Variants in TBXAS1 observed in about 807,000 individuals in gnomAD.
TBXAS1 encodes thromboxane A synthase 1.
Under a neutral mutation model 60.7 loss-of-function variants are expected in TBXAS1, and 48 were observed. The observed-to-expected ratio is 0.79, with a 90% CI of 0.63 to 1.01. TBXAS1 has a LOEUF of 1.01. Ranked by LOEUF, TBXAS1 falls within the 50% of genes least tolerant of loss-of-function variation. The probability of loss-of-function intolerance (pLI) is 0.00; values close to 1 mark genes in which losing one functional copy is unlikely to be tolerated. For missense variants in TBXAS1, 685 were observed against 686.3 expected (o/e 1.00, Z 0.02); for synonymous variants, 287 against 269.7 (o/e 1.06, Z -0.63).
chr7:139,807,403 TA>T (rs1797905140), intron 4 of TBXAS1, among the ~76,000 whole-genome samples: 1 of 150,636 alleles, frequency 6.6e-6, no homozygotes, highest in East Asian at 2.0e-4. Flanking sequence ...TTTTTTTTTT[TA>T]GATGGAGTCT....
chr7:139,791,007 T>G (rs561791940), intron 4 of TBXAS1, among the ~76,000 whole-genome samples: 2 of 152,354 alleles, frequency 1.3e-5, no homozygotes, highest in East Asian at 3.9e-4. Context: ...TTTCACCATG[T>G]TGTCCATGCT....
chr7:139,995,109 A>G (rs950190965), intron 9 of TBXAS1, among the ~76,000 whole-genome samples: 3 of 152,142 alleles, frequency 2.0e-5, no homozygotes, highest in African/African-American at 4.8e-5. Context: ...GGGCTTTACA[A>G]ACACATCTCG....
At chr7:139,952,556 C>T (rs148763147) in intron 5 of TBXAS1, 1 of 1,536,700 alleles carries the variant, frequency 6.5e-7, no homozygotes, top group South Asian at 1.2e-5. Flanking sequence ...TTCAGCTTGG[C>T]CTTTTAATCA....
At chr7:139,919,574 A>T (rs532474250) in intron 4 of TBXAS1, among the ~76,000 whole-genome samples, 2 of 152,334 alleles carry the variant, frequency 1.3e-5, no homozygotes, top group South Asian at 4.1e-4. Flanking sequence ...CTATAGCTTC[A>T]TATTCTATCA....
chr7:139,804,842 C>T (rs1356314561), intron 4 of TBXAS1, among the ~76,000 whole-genome samples: 1 of 152,194 alleles, frequency 6.6e-6, no homozygotes, highest in Non-Finnish European at 1.5e-5. Flanking sequence ...CATTAAACCT[C>T]TTTTTCTTTA....
At chr7:139,884,431 T>A (rs958127853) in intron 3 of TBXAS1, among the ~76,000 whole-genome samples, 12 of 152,206 alleles carry the variant, frequency 7.9e-5, no homozygotes, top group Non-Finnish European at 1.5e-5. Flanking sequence ...CCCAGGTAGG[T>A]GTGGCCAGCT....
intron 4 of TBXAS1, among the ~76,000 whole-genome samples, chr7:139,787,875 A>T (rs1459150716): frequency 6.6e-6 from 1 of 152,236 alleles, no homozygotes; most frequent in Non-Finnish European, 1.5e-5. Flanking sequence ...AAAAACACAT[A>T]AGACTACAAA....
rs1183650113 is a variant in TBXAS1, at chr7:139,807,311, ATCCTCCAGCCTCAGCC to A, written c.-80+19906_-80+19921del. The stretch of plus-strand genomic sequence containing the variant: ...ATCCTTGAATTCCTGGGCTCAAGTG[ATCCTCCAGCCTCAGCC>A]TCCTCCAGCCTCAGCCTCCTGAGCA... On this transcript the variant is annotated intron_variant, in intron 4 of 16. Coordinates refer to the TBXAS1 transcript ENST00000336425. 4.0e-5 allele frequency among the ~76,000 whole-genome samples: 6 copies of A among 151,718 alleles called. No homozygotes were observed. The South Asian group carries it at 6.2e-4, about 16-fold the overall frequency.
intron 1 of TBXAS1, among the ~76,000 whole-genome samples, chr7:139,871,640 C>T (rs528306374): frequency 2.0e-5 from 3 of 152,168 alleles, no homozygotes; most frequent in South Asian, 2.1e-4. Context: ...CATATGGTTG[C>T]GGGCCGAGAA....
chr7:139,928,082 G>C (rs1807032834), intron 4 of TBXAS1, among the ~76,000 whole-genome samples: 1 of 152,142 alleles, frequency 6.6e-6, no homozygotes, highest in African/African-American at 2.4e-5. Context: ...GCCTCAGAAA[G>C]TGTTAACTAT....
intron 11 of TBXAS1, 131 bp from the exon 12 acceptor site, chr7:140,017,540 G>A: frequency 8.2e-7 from 1 of 1,224,728 alleles, no homozygotes; most frequent in Non-Finnish European, 1.1e-6. Flanking sequence ...GCTCAGGAAT[G>A]AGCAGCCATC....
At chr7:139,800,170 G>T (rs6954829) in intron 4 of TBXAS1, among the ~76,000 whole-genome samples, 104,419 of 151,546 alleles carry the variant, frequency 0.69, 37,643 homozygotes, top group East Asian at 0.95. Flanking sequence ...CTCTGGCCCC[G>T]TCAATCCATT....
intron 5 of TBXAS1, among the ~76,000 whole-genome samples, chr7:139,939,024 G>C (rs1325623791): frequency 1.3e-5 from 2 of 152,216 alleles, no homozygotes; most frequent in Non-Finnish European, 2.9e-5. Context: ...CATAGTGCCT[G>C]AATTAATTGC....
rs192400932 is a variant in TBXAS1 at position 139,816,866 on chromosome 7, T to C, written c.-79-12446T>C. Among the ~76,000 whole-genome samples, 81 of 152,284 alleles carry C rather than the reference T, an allele frequency of 5.3e-4. No homozygotes were observed. In the East Asian group the frequency reaches 0.011, roughly 20 times the overall value. ...CATCCAGGCTTGGAACCCTGGAGGC[T>C]TCCTCGTAGGGCTGCGTAGAGCAGG... On this transcript the variant is annotated intron_variant, in intron 4 of 16. Coordinates refer to the TBXAS1 transcript ENST00000336425.
chr7:139,946,192 G>T (rs1178047353), intron 5 of TBXAS1, among the ~76,000 whole-genome samples: 2 of 152,176 alleles, frequency 1.3e-5, no homozygotes, highest in Non-Finnish European at 2.9e-5. Flanking sequence ...AAATTAGCCA[G>T]CTGTGGTTGT....
At chr7:139,934,973 C>G (rs942403311) in intron 4 of TBXAS1, among the ~76,000 whole-genome samples, 2 of 152,170 alleles carry the variant, frequency 1.3e-5, no homozygotes, top group Non-Finnish European at 2.9e-5. Flanking sequence ...ACTACCACAC[C>G]TAGCTAATTT....
intron 10 of TBXAS1, among the ~76,000 whole-genome samples, chr7:140,011,079 C>T (rs141507456): frequency 0.038 from 5,735 of 151,730 alleles, 133 homozygotes; most frequent in Middle Eastern, 0.069. Context: ...GAGTTCAAGA[C>T]CAGCCTGACC....
chr7:139,782,068 A>T (rs1797017347), intron 2 of TBXAS1, among the ~76,000 whole-genome samples: 1 of 151,850 alleles, frequency 6.6e-6, no homozygotes, highest in Non-Finnish European at 1.5e-5. Context: ...CTTACCAGTC[A>T]TGGGCCTGAG....
chr7:139,935,463 G>A (rs758579697), intron 4 of TBXAS1, among the ~76,000 whole-genome samples: 8 of 152,086 alleles, frequency 5.3e-5, no homozygotes, highest in East Asian at 1.9e-4. Context: ...GATGCAGAAC[G>A]CCCAGATATA....
Sources: gnomAD v4.1 joint callset for allele counts (sites outside exome capture counted in the v4.1 genomes callset) on GRCh38, gnomAD v4.1.1 for gene constraint, MANE v1.5 for transcripts, NCBI Gene and HGNC (gene_info 2026-07-23, HGNC 2026-07-21) for gene names.